Variants in PRAG1 observed in about 807,000 individuals in gnomAD.
PRAG1 encodes the protein PEAK1 related, kinase-activating pseudokinase 1.
PRAG1 carries 110 observed loss-of-function variants against 95.6 expected under a neutral mutation model. The observed-to-expected ratio is 1.15, with a 90% confidence interval of 0.99 to 1.35. PRAG1 has a LOEUF of 1.35. PRAG1 is among the 40% of genes most tolerant of loss of function. The pLI is 0.00. For missense variants in PRAG1, 2,554 were observed against 1,864.7 expected, an observed-to-expected ratio of 1.37 and a Z score of -6.81; for synonymous variants, 1,052 against 819.4, an observed-to-expected ratio of 1.28 and a Z score of -4.85.
chr8:8,371,335 C>A (rs573667598), intron 3 of PRAG1, among the ~76,000 whole-genome samples: 4 of 151,764 alleles, frequency 2.6e-5, no homozygotes, highest in Admixed American at 6.5e-5. Flanking sequence ...ATCTCGGCTC[C>A]CTGCAAGCTC....
intron 3 of PRAG1, among the ~76,000 whole-genome samples, chr8:8,364,667 G>GTT (rs1022913227): frequency 9.2e-5 from 13 of 142,076 alleles, no homozygotes; most frequent in Admixed American, 3.5e-4. Flanking sequence ...TTTCAATGTT[G>GTT]TTTTTTTTTT....
At chr8:8,384,527 T>C (rs1800786113) in intron 1 of PRAG1, among the ~76,000 whole-genome samples, 1 of 148,718 alleles carries the variant, frequency 6.7e-6, no homozygotes, top group Admixed American at 6.8e-5. Flanking sequence ...AGCCCTGGGC[T>C]TCCCACTGTC....
chr8:8,365,041 T>C (rs945440307), intron 3 of PRAG1, among the ~76,000 whole-genome samples: 4 of 152,158 alleles, frequency 2.6e-5, no homozygotes, highest in African/African-American at 9.7e-5. Context: ...CAAGGAAATA[T>C]GACAGGTCAG....
At chr8:8,341,458 C>G (rs920875153) in intron 3 of PRAG1, among the ~76,000 whole-genome samples, 1 of 152,136 alleles carries the variant, frequency 6.6e-6, no homozygotes, top group African/African-American at 2.4e-5. Context: ...CAATACTAAG[C>G]GTATATTTAC....
At chr8:8,331,957 A>G (rs995019096) in intron 4 of PRAG1, among the ~76,000 whole-genome samples, 6 of 152,182 alleles carry the variant, frequency 3.9e-5, no homozygotes, top group Non-Finnish European at 7.3e-5. Context: ...CTTAGATGCT[A>G]TGAGTTTGGG....
chr8:8,329,499 G>A (rs1412779410), intron 4 of PRAG1, among the ~76,000 whole-genome samples: 1 of 152,056 alleles, frequency 6.6e-6, no homozygotes, highest in Non-Finnish European at 1.5e-5. Context: ...AGCATGGAGT[G>A]TCTCTATGCC....
intron 3 of PRAG1, among the ~76,000 whole-genome samples, chr8:8,349,674 G>A (rs1285337334): frequency 6.6e-6 from 1 of 152,064 alleles, no homozygotes; most frequent in Non-Finnish European, 1.5e-5. Flanking sequence ...AAAACTGATA[G>A]GGCCAATCTT....
chr8:8,362,400 G>A (rs1440985596), intron 3 of PRAG1, among the ~76,000 whole-genome samples: 1 of 152,172 alleles, frequency 6.6e-6, no homozygotes, highest in Admixed American at 6.5e-5. Flanking sequence ...TTCTTACTTG[G>A]TCTGTGCACA....
intron 3 of PRAG1, among the ~76,000 whole-genome samples, chr8:8,350,930 GGA>G (rs1585248073): frequency 1.3e-5 from 2 of 152,096 alleles, no homozygotes; most frequent in Admixed American, 6.6e-5. Flanking sequence ...ATGGATGGAT[GGA>G]TGGATGGATG....
intron 2 of PRAG1, 86 bp downstream of exon 2, chr8:8,381,332 C>T (rs1800635656): frequency 4.4e-6 from 6 of 1,372,366 alleles, no homozygotes; most frequent in Non-Finnish European, 6.0e-6. Context: ...CTTGCTGGAA[C>T]AGCCCTCCCT....
chr8:8,363,081 A>ATG (rs1554509591), intron 3 of PRAG1, among the ~76,000 whole-genome samples: 21 of 140,770 alleles, frequency 1.5e-4, no homozygotes, highest in South Asian at 4.3e-4. Flanking sequence ...AGATATATAT[A>ATG]TGTGTGCGTG....
chr8:8,363,106 T>TATAC (rs540444482), intron 3 of PRAG1, among the ~76,000 whole-genome samples: 2,777 of 148,802 alleles, frequency 0.019, 71 homozygotes, highest in African/African-American at 0.059. Context: ...TATATATATA[T>TATAC]ACTTATATAT....
At chr8:8,373,462 T>A (rs960651755) in intron 3 of PRAG1, among the ~76,000 whole-genome samples, 14 of 151,450 alleles carry the variant, frequency 9.2e-5, no homozygotes, top group Admixed American at 7.9e-4. Context: ...AGATTTTTTT[T>A]TTTTTGAGAC....
chr8:8,381,655 C>T lies in PRAG1; in HGVS notation c.93G>A (p.Lys31=), dbSNP rs1022879134. Residue 31 remains lysine, a synonymous_variant, in exon 2 of 6, where the codon AAG becomes AAA. Coordinates refer to ENST00000615670, the MANE Select transcript of PRAG1 (RefSeq NM_001080826.3). ...VEHIWKPGSC[K]NCFCLRSDHQ... ...GGTCGCTCCGCAGGCAGAAGCAGTTCTTGCAGGACCCGGGTTTCCAGATGT... is the reference window on the plus strand; with the variant it reads ...GGTCGCTCCGCAGGCAGAAGCAGTTTTTGCAGGACCCGGGTTTCCAGATGT... The T allele has an allele frequency of 8.1e-6, 13 of 1,613,818 alleles. No individual in the cohort carries two copies. The highest frequency in any genetic ancestry group is 1.1e-5 in the Non-Finnish European group (13 of 1,179,886).
rs1174122022 is a variant in PRAG1, at chr8:8,318,678, T to G, written c.3697A>C (p.Lys1233Gln). ...KPGGTPNLQQ[K>Q]KSQARLAPEI... ...GGGGCCAGCCGGGCCTGGCTCTTCTTCTGCTGCAGGTTTGGGGTGCCGCCC... is the reference window on the plus strand; with the variant it reads ...GGGGCCAGCCGGGCCTGGCTCTTCTGCTGCTGCAGGTTTGGGGTGCCGCCC... Residue 1233 changes from lysine (K) to glutamine (Q), a missense_variant, in exon 6 of 6, where the codon AAG becomes CAG. Coordinates refer to ENST00000615670, the MANE Select transcript of PRAG1 (RefSeq NM_001080826.3). The surrounding 1 kb of genome is among the most constrained non-coding windows in gnomAD (Gnocchi z 4.2). The G allele has an allele frequency of 1.9e-6, 3 of 1,611,198 alleles. No homozygotes were observed. The highest frequency in any genetic ancestry group is 1.6e-4 in the Middle Eastern group (1 of 6,062).
chr8:8,344,850 G>A (rs184845766), intron 3 of PRAG1, among the ~76,000 whole-genome samples: 13 of 152,282 alleles, frequency 8.5e-5, no homozygotes, highest in Non-Finnish European at 1.6e-4. Flanking sequence ...CAGTCTCAAC[G>A]AGGGTTGGTT....
In PRAG1 at chr8:8,318,064, C is replaced by T. The variant is rs1435041430; in HGVS notation, c.*90G>A. ...ATCCAGGTATCCCAGTCATCTGTAC[C>T]ATTTCCCAGGGAGACATGGGTGCTT... On this transcript the variant is annotated 3_prime_UTR_variant, in exon 6 of 6. Transcript: ENST00000615670. The surrounding 1 kb of genome is among the most constrained non-coding windows in gnomAD (Gnocchi z 4.2). 13 of 1,290,162 alleles carry T rather than the reference C, an allele frequency of 1.0e-5. No individual in the cohort carries two copies. The highest frequency in any genetic ancestry group is 1.3e-5 in the Non-Finnish European group (12 of 950,276). The allele number at this position is 1,290,162 out of a possible 1,614,324, so 79.9% of individuals were successfully genotyped here.
intron 3 of PRAG1, among the ~76,000 whole-genome samples, chr8:8,341,974 T>C (rs1799183169): frequency 6.6e-6 from 1 of 151,850 alleles, no homozygotes; most frequent in Non-Finnish European, 1.5e-5. Context: ...CTACTAATCA[T>C]ACAAAAATTA....
chr8:8,338,465 G>A (rs987291647), intron 4 of PRAG1, among the ~76,000 whole-genome samples: 1 of 152,218 alleles, frequency 6.6e-6, no homozygotes, highest in Non-Finnish European at 1.5e-5. Flanking sequence ...AATCTGCCTT[G>A]TTGAATTTGT....
Sources: allele counts gnomAD v4.1 joint callset (sites outside exome capture counted in the v4.1 genomes callset), GRCh38; gene constraint gnomAD v4.1.1; non-coding constraint Gnocchi (gnomAD v3.1); transcripts MANE v1.5; gene names NCBI Gene and HGNC (gene_info 2026-07-23, HGNC 2026-07-21).